The following SYF2 variants were observed in gnomAD, a reference collection of about 807,000 sequenced individuals.
The protein encoded by SYF2 is pre-mRNA-splicing factor SYF2.
SYF2 carries 21 observed loss-of-function variants against 32.7 expected under a neutral mutation model. That is an observed-to-expected ratio of 0.64 (90% CI 0.45 to 0.92). The LOEUF (loss-of-function observed/expected upper bound fraction) is 0.92, where lower values mean the gene tolerates loss of function less well. Among genes scored for constraint, SYF2 ranks in the 40% least tolerant of loss-of-function variants. SYF2 has a pLI of 0.00. For synonymous variants in SYF2, 114 were observed against 103.9 expected (o/e 1.10, Z -0.59); for missense variants, 278 against 296.5 (o/e 0.94, Z 0.46).
At chr1:25,223,813 G>C (rs575329817) in intron 6 of SYF2, among the ~76,000 whole-genome samples, 1 of 152,164 alleles carries the variant, frequency 6.6e-6, no homozygotes, top group African/African-American at 2.4e-5. Flanking sequence ...AGGAGTTCCA[G>C]ACCAGGGCCT....
intron 6 of SYF2, 37 bp downstream of exon 6, chr1:25,224,965 G>A (rs1329767889): frequency 7.1e-7 from 1 of 1,412,152 alleles, no homozygotes; most frequent in African/African-American, 1.4e-5. Flanking sequence ...TTGTCATGAA[G>A]TATTTACAAC....
intron 3 of SYF2, 62 bp downstream of exon 3, chr1:25,228,936 T>C: frequency 1.9e-6 from 3 of 1,570,366 alleles, no homozygotes; most frequent in East Asian, 2.2e-5. Flanking sequence ...CACCATGTTG[T>C]AGTGTCTTGA....
Position 25,225,050 on chromosome 1 carries a change from A to C in SYF2, c.518T>G (p.Val173Gly). The change falls in exon 6 of 7, where the codon GTG (valine) becomes GGG (glycine). Residue 173 changes from valine (V) to glycine (G), a missense_variant. Physicochemically the swap from Val to Gly is moderately radical, Grantham distance 109. Transcript: ENST00000236273. ...TSNSLLHGTHVPSTEEIDRMV... is the reference protein window; with the variant it reads ...TSNSLLHGTHGPSTEEIDRMV... ...CCTGTCAATTTCCTCTGTGGAAGGCACATGTGTTCCATGAAGAAGACTATT... is the reference window on the plus strand; with the variant it reads ...CCTGTCAATTTCCTCTGTGGAAGGCCCATGTGTTCCATGAAGAAGACTATT... The C allele has an allele frequency of 1.9e-6, 3 of 1,614,140 alleles. No homozygotes were observed. Among genetic ancestry groups the C allele is most frequent in the Non-Finnish European group, 2.5e-6 (3 of 1,180,000 alleles).
At chr1:25,232,276 A>G in intron 1 of SYF2, 65 bp from the exon 2 acceptor site, 1 of 1,564,402 alleles carries the variant, frequency 6.4e-7, no homozygotes. Context: ...GCCCAGGCCG[A>G]GTCCCCGCCG....
At chr1:25,228,848 C>A (rs1309577231) in intron 3 of SYF2, 150 bp downstream of exon 3, 3 of 757,250 alleles carry the variant, frequency 4.0e-6, no homozygotes, top group Non-Finnish European at 6.2e-6. Context: ...ATAAACTCAC[C>A]CAACGTGTTG....
intron 1 of SYF2, 93 bp downstream of exon 1, chr1:25,232,351 G>C: frequency 3.1e-6 from 5 of 1,607,310 alleles, no homozygotes; most frequent in Non-Finnish European, 3.4e-6. Flanking sequence ...GAGCCTCCCT[G>C]AAGCGAAACT....
At chr1:25,232,324 T>C in intron 1 of SYF2, 113 bp from the exon 2 acceptor site, 1 of 1,592,254 alleles carries the variant, frequency 6.3e-7, no homozygotes, top group South Asian at 1.1e-5. Flanking sequence ...CACCGCCGAC[T>C]TGACCCCACA....
At chr1:25,228,819 A>G (rs988176900) in intron 3 of SYF2, among the ~76,000 whole-genome samples, 179 bp downstream of exon 3, 4 of 152,228 alleles carry the variant, frequency 2.6e-5, no homozygotes, top group Non-Finnish European at 5.9e-5. Context: ...ATGAGAAAAC[A>G]GAGGTACAGA....
At chr1:25,225,388 C>T (rs1336611600) in intron 5 of SYF2, among the ~76,000 whole-genome samples, 4 of 151,584 alleles carry the variant, frequency 2.6e-5, no homozygotes, top group African/African-American at 4.9e-5. Context: ...ATTAGCCGGG[C>T]GTGGTGACAC....
intron 6 of SYF2, 115 bp from the exon 7 acceptor site, chr1:25,223,546 G>A (rs1271925487): frequency 8.9e-6 from 9 of 1,009,936 alleles, no homozygotes; most frequent in Non-Finnish European, 1.1e-5. Flanking sequence ...GTGAGGGCTA[G>A]AGGAAGCCAG....
intron 6 of SYF2, among the ~76,000 whole-genome samples, chr1:25,224,325 A>G (rs781143713): frequency 6.6e-6 from 1 of 151,992 alleles, no homozygotes; most frequent in African/African-American, 2.4e-5. Context: ...ATGCAATCAC[A>G]GTTCACTGCA....
In SYF2 at chr1:25,228,396, G is replaced by A. The variant is rs150539508; in HGVS notation, c.259-161C>T. ...GTCACGCAGGCTGGAGTGCAGTGGCGCGATCTCAGCTCACTGCAACCTCCA... is the reference window on the plus strand; with the variant it reads ...GTCACGCAGGCTGGAGTGCAGTGGCACGATCTCAGCTCACTGCAACCTCCA... On this transcript the variant is annotated intron_variant, in intron 3 of 6. Coordinates refer to ENST00000236273, the MANE Select transcript of SYF2 (RefSeq NM_015484.5). Among the ~76,000 whole-genome samples the A allele has an allele frequency of 1.8e-3, 279 of 152,242 alleles. 2 individuals carry two copies. Among genetic ancestry groups the A allele is most frequent in the African/African-American group, 5.6e-3 (233 of 41,544 alleles).
chr1:25,228,570 A>G (rs945904115), intron 3 of SYF2, among the ~76,000 whole-genome samples: 2 of 152,088 alleles, frequency 1.3e-5, no homozygotes, highest in African/African-American at 4.8e-5. Context: ...CCTGACCTCA[A>G]ATGATCTGCC....
At chr1:25,225,124 T>TA in intron 5 of SYF2, 24 bp from the exon 6 acceptor site, 1 of 1,475,742 alleles carries the variant, frequency 6.8e-7, no homozygotes, top group Non-Finnish European at 9.5e-7. Context: ...AAAATGAACT[T>TA]ACAGTAACAC....
intron 5 of SYF2, among the ~76,000 whole-genome samples, chr1:25,226,967 C>T (rs935634734): frequency 1.6e-4 from 24 of 150,380 alleles, no homozygotes; most frequent in Non-Finnish European, 2.7e-4. Flanking sequence ...AGCAACAGAG[C>T]GAGACACCGT....
In SYF2 at chr1:25,230,819, AT is replaced by A. The variant is rs756377994; in HGVS notation, c.132+1284del. The A allele has an allele frequency of 9.4e-3, 1,215 of 129,332 alleles. 5 individuals are homozygous for A. The highest frequency in any genetic ancestry group is 0.016 in the African/African-American group (525 of 33,010). The allele number at this position is 129,332 out of a possible 1,614,324, so 8.0% of individuals were successfully genotyped here. A position where few individuals can be genotyped will look rare whatever the true frequency, so the allele number is the denominator to read the frequency against. On this transcript the variant is annotated intron_variant, in intron 2 of 6. Transcript: ENST00000236273. Reference sequence around the variant, plus strand: ...GGCTTTCTACAATTAGGTATCTTAGATTTTTTTTTTTTTTTTTTTTGAGATG... The same window carrying A: ...GGCTTTCTACAATTAGGTATCTTAGATTTTTTTTTTTTTTTTTTTGAGATG...
Position 25,227,511 on chromosome 1 carries a change from C to A in SYF2, c.398G>T (p.Arg133Leu). ...GFSDYAAAQL[R>L]QYHRLTKQIK... ...CTGCTTGGTCAACCGATGATACTGG[C>A]GTAACTGGGCAGCAGCATAATCTAA... Residue 133 changes from arginine (R) to leucine (L), a missense_variant, in exon 5 of 7, where the codon CGC becomes CTC. Coordinates refer to ENST00000236273, the MANE Select transcript of SYF2 (RefSeq NM_015484.5). 1.2e-6 allele frequency: 2 copies of A among 1,613,490 alleles called. No individual in the cohort carries two copies. Among genetic ancestry groups the A allele is most frequent in the Non-Finnish European group, 1.7e-6 (2 of 1,179,838 alleles).
intron 2 of SYF2, chr1:25,231,170 A>G (rs1638622236): frequency 6.6e-6 from 1 of 152,242 alleles, no homozygotes; most frequent in South Asian, 2.1e-4. Flanking sequence ...GTATTTGTTA[A>G]TAACAGTCAC....
rs563835650 is a variant in SYF2 at position 25,232,159 on chromosome 1, G to C, written c.77C>G (p.Ala26Gly). ...EGSLAAAAEL[A>G]AQKREQRLRK... Reference sequence around the variant, plus strand: ...CAGTCTCTGTTCGCGCTTCTGAGCGGCCAGCTCCGCCGCCGCAGCGAGGGA... The same window carrying C: ...CAGTCTCTGTTCGCGCTTCTGAGCGCCCAGCTCCGCCGCCGCAGCGAGGGA... The change falls in exon 2 of 7, where the codon GCC becomes GGC. Residue 26 changes from alanine (A) to glycine (G), a missense_variant. Ala to Gly is a moderately conservative substitution (Grantham distance 60). Coordinates refer to ENST00000236273, the MANE Select transcript of SYF2 (RefSeq NM_015484.5). 8 of 1,613,800 alleles carry C rather than the reference G, an allele frequency of 5.0e-6. No individual in the cohort carries two copies. The African/African-American group carries it at 9.3e-5, about 19-fold the overall frequency.
Sources: allele counts gnomAD v4.1 joint callset (sites outside exome capture counted in the v4.1 genomes callset), GRCh38; gene constraint gnomAD v4.1.1; transcripts MANE v1.5; gene names NCBI Gene and HGNC (gene_info 2026-07-23, HGNC 2026-07-21).